SOX5: variants seen among roughly 807,000 people sequenced by gnomAD.
SOX5 encodes transcription factor SOX-5.
In SOX5, 9 loss-of-function variants were observed where a neutral mutation model predicts 92.0. The observed-to-expected ratio is 0.10, with a 90% CI of 0.06 to 0.17. The LOEUF (loss-of-function observed/expected upper bound fraction) is 0.17. Among genes scored for constraint, SOX5 ranks in the 10% least tolerant of loss-of-function variants. SOX5 has a pLI of 1.00. For synonymous variants in SOX5, 344 were observed against 336.3 expected (o/e 1.02, Z -0.25); for missense variants, 642 against 944.5 (o/e 0.68, Z 4.20).
chr12:23,645,480 T>C (rs2080716896), intron 7 of SOX5, among the ~76,000 whole-genome samples: 1 of 152,172 alleles, frequency 6.6e-6, no homozygotes, highest in Non-Finnish European at 1.5e-5. Flanking sequence ...TTAAAGAGCT[T>C]AAGTAGTAGG....
At chr12:24,050,460 C>T (rs1283685852) in intron 4 of SOX5, among the ~76,000 whole-genome samples, 2 of 151,988 alleles carry the variant, frequency 1.3e-5, no homozygotes, top group East Asian at 1.9e-4. Flanking sequence ...ACTTTGATTA[C>T]TTAAAAAAAC....
chr12:24,481,127 C>A (rs572131078), intron 1 of SOX5, among the ~76,000 whole-genome samples: 84 of 152,166 alleles, frequency 5.5e-4, no homozygotes, highest in Non-Finnish European at 1.0e-3. Context: ...AACTGGAGGT[C>A]ATTATGTTAA....
chr12:23,929,710 T>A (rs145351809), intron 1 of SOX5, among the ~76,000 whole-genome samples: 97 of 152,036 alleles, frequency 6.4e-4, no homozygotes, highest in South Asian at 2.1e-3. Flanking sequence ...TTAATTTTTT[T>A]AAAAAATACG....
At chr12:24,491,469 A>AC (rs1317788427) in intron 1 of SOX5, among the ~76,000 whole-genome samples, 1 of 152,176 alleles carries the variant, frequency 6.6e-6, no homozygotes. Context: ...TTTGGTCAAA[A>AC]AAAAAAAATT....
At chr12:23,603,467 T>TATATATATATATATATATATATATA (rs1566226312) in intron 9 of SOX5, among the ~76,000 whole-genome samples, 1 of 92,034 alleles carries the variant, frequency 1.1e-5, no homozygotes, top group Non-Finnish European at 2.9e-5. Context: ...TATATATATA[T>TATATATATATATATATATATATATA]TTTGCTGGTA....
intron 4 of SOX5, among the ~76,000 whole-genome samples, chr12:24,161,522 C>A (rs1000177681): frequency 6.6e-6 from 1 of 151,788 alleles, no homozygotes; most frequent in African/African-American, 2.4e-5. Flanking sequence ...TGAACATTAG[C>A]TAAAGAGACT....
intron 1 of SOX5, among the ~76,000 whole-genome samples, chr12:24,512,748 T>C (rs1333762288): frequency 2.0e-5 from 3 of 152,206 alleles, no homozygotes; most frequent in Non-Finnish European, 4.4e-5. Flanking sequence ...ACATAGTAGA[T>C]TATCATTCAG....
At chr12:24,486,691 A>G (rs1160121001) in intron 1 of SOX5, among the ~76,000 whole-genome samples, 2 of 152,210 alleles carry the variant, frequency 1.3e-5, no homozygotes, top group Non-Finnish European at 2.9e-5. Context: ...TCAGGCCCAC[A>G]TCAGCAATAT....
chr12:23,565,511 G>A (rs1028760988), intron 10 of SOX5, among the ~76,000 whole-genome samples: 1 of 152,108 alleles, frequency 6.6e-6, no homozygotes, highest in African/African-American at 2.4e-5. Flanking sequence ...TTGGCACATG[G>A]CACTGAATAA....
chr12:24,348,015 A>G (rs1237548463), intron 2 of SOX5, among the ~76,000 whole-genome samples: 1 of 135,588 alleles, frequency 7.4e-6, no homozygotes, highest in African/African-American at 2.8e-5. Context: ...AATTTTTTTC[A>G]GGTTGCAATT....
At chr12:24,022,209 A>G (rs1387133940) in intron 4 of SOX5, among the ~76,000 whole-genome samples, 1 of 152,192 alleles carries the variant, frequency 6.6e-6, no homozygotes, top group East Asian at 1.9e-4. Flanking sequence ...TAAGGCTGTG[A>G]GAAATTTCCC....
chr12:23,778,301 A>G (rs1258988626), intron 3 of SOX5, among the ~76,000 whole-genome samples: 1 of 152,234 alleles, frequency 6.6e-6, no homozygotes, highest in South Asian at 2.1e-4. Context: ...TCTAAAAAAC[A>G]TTTAGACACA....
chr12:23,977,115 T>C (rs1949007570), intron 4 of SOX5, among the ~76,000 whole-genome samples: 2 of 152,112 alleles, frequency 1.3e-5, no homozygotes, highest in African/African-American at 4.8e-5. Context: ...CTAGAGACAA[T>C]AATAAGACTG....
Position 23,782,956 on chromosome 12 carries a change from C to A in SOX5, c.482-27232G>T, listed in dbSNP as rs147151172. The stretch of plus-strand genomic sequence containing the variant: ...CAAATTTAATAAATATTCTGTAAGG[C>A]CCTTTGAGAGCCTTTCCTCTGAAGA... On this transcript the variant is annotated intron_variant, in intron 3 of 14. Transcript: ENST00000451604. Among the ~76,000 whole-genome samples the A allele has an allele frequency of 3.6e-4, 55 of 152,080 alleles. No individual in the cohort carries two copies. In the East Asian group the frequency reaches 9.3e-3, roughly 26 times the overall value.
intron 1 of SOX5, among the ~76,000 whole-genome samples, chr12:24,435,174 C>G (rs942819333): frequency 2.0e-5 from 3 of 152,202 alleles, no homozygotes; most frequent in Non-Finnish European, 4.4e-5. Flanking sequence ...AGAGTTTTCT[C>G]TGGAGATACT....
intron 1 of SOX5, among the ~76,000 whole-genome samples, chr12:23,917,216 T>C (rs572755842): frequency 1.3e-5 from 2 of 152,220 alleles, no homozygotes; most frequent in South Asian, 2.1e-4. Context: ...AAAGCATTAT[T>C]GAGAGAAGGT....
At chr12:23,715,607 A>C (rs1273667547) in intron 6 of SOX5, among the ~76,000 whole-genome samples, 1 of 152,144 alleles carries the variant, frequency 6.6e-6, no homozygotes, top group African/African-American at 2.4e-5. Flanking sequence ...CAATAACAAC[A>C]TTAGTAGTTA....
At chr12:24,010,226 T>C (rs1019185034) in intron 4 of SOX5, among the ~76,000 whole-genome samples, 2 of 152,230 alleles carry the variant, frequency 1.3e-5, no homozygotes, top group Admixed American at 6.5e-5. Context: ...ATTTTTGACC[T>C]TTCTTGCTAC....
chr12:23,820,466 G>A (rs1297730672), intron 3 of SOX5, among the ~76,000 whole-genome samples: 1 of 152,144 alleles, frequency 6.6e-6, no homozygotes, highest in Non-Finnish European at 1.5e-5. Context: ...TGTTGCAATT[G>A]CTTTTGGTGT....
Sources: gnomAD v4.1 joint callset for allele counts (sites outside exome capture counted in the v4.1 genomes callset) on GRCh38, gnomAD v4.1.1 for gene constraint, MANE v1.5 for transcripts, NCBI Gene and HGNC (gene_info 2026-07-23, HGNC 2026-07-21) for gene names.